The following TMEM245 variants were observed in gnomAD, a reference collection of about 807,000 sequenced individuals.
The protein encoded by TMEM245 is protein CG-2.
A neutral mutation model predicts 101.2 loss-of-function variants in TMEM245; 69 were observed. The ratio of observed to expected loss-of-function variants is 0.68; its 90% confidence interval spans 0.56 to 0.83. The LOEUF (loss-of-function observed/expected upper bound fraction) is 0.83, where lower values mean the gene tolerates loss of function less well. TMEM245 is among the 40% of genes least tolerant of loss of function. The probability of loss-of-function intolerance (pLI) is 0.00; values close to 1 mark genes in which losing one functional copy is unlikely to be tolerated. For synonymous variants in TMEM245, 537 were observed against 449.8 expected (o/e 1.19, Z -2.45); for missense variants, 1,075 against 1,092.8 (o/e 0.98, Z 0.23).
At position 109,019,647 on chromosome 9, in the gene TMEM245, C is replaced by T. The variant is rs112441017; in HGVS notation, c.*813G>A. 1.3e-5 allele frequency: 2 copies of T among 152,452 alleles called. No homozygotes were observed. The highest frequency in any genetic ancestry group is 1.3e-4 in the Admixed American group (2 of 15,276). The allele number at this position is 152,452 out of a possible 1,614,324, so 9.4% of individuals were successfully genotyped here. A position where few individuals can be genotyped will look rare whatever the true frequency, so the allele number is the denominator to read the frequency against. ...AATGAAACGGATACATTTAACAAATCAGAGTATTGCTACACCTGAGATTTT... is the reference window on the plus strand; with the variant it reads ...AATGAAACGGATACATTTAACAAATTAGAGTATTGCTACACCTGAGATTTT... On this transcript the variant is annotated 3_prime_UTR_variant, in exon 18 of 18. Coordinates refer to ENST00000374586, the MANE Select transcript of TMEM245 (RefSeq NM_032012.4).
At chr9:109,057,118 G>C in intron 12 of TMEM245, 73 bp downstream of exon 12, 2 of 1,527,630 alleles carry the variant, frequency 1.3e-6, no homozygotes, top group Non-Finnish European at 1.8e-6. Flanking sequence ...GCCTCAAAGT[G>C]TATGAAGAAA....
At chr9:109,039,321 T>C (rs1324184509) in intron 14 of TMEM245, 1 of 151,906 alleles carries the variant, frequency 6.6e-6, no homozygotes, top group Admixed American at 6.6e-5. Context: ...GTATCAAAAA[T>C]ACCAAAAGGA....
intron 17 of TMEM245, among the ~76,000 whole-genome samples, chr9:109,028,379 G>A (rs906240903): frequency 4.0e-5 from 6 of 151,586 alleles, no homozygotes; most frequent in South Asian, 2.1e-4. Context: ...ATTTGAATCC[G>A]GGTGGCAGAG....
chr9:109,063,018 G>A (rs1829061095), intron 10 of TMEM245, among the ~76,000 whole-genome samples: 1 of 152,142 alleles, frequency 6.6e-6, no homozygotes, highest in Non-Finnish European at 1.5e-5. Flanking sequence ...AAGTACTGTT[G>A]GTGGTGCCTG....
chr9:109,096,883 T>C (rs151202361), intron 3 of TMEM245, among the ~76,000 whole-genome samples: 75 of 152,356 alleles, frequency 4.9e-4, no homozygotes, highest in Middle Eastern at 3.4e-3. Flanking sequence ...CTTCAAATAA[T>C]GGACTTTCAG....
chr9:109,048,379 T>C (rs1477551287), intron 14 of TMEM245, among the ~76,000 whole-genome samples: 1 of 151,814 alleles, frequency 6.6e-6, no homozygotes, highest in Non-Finnish European at 1.5e-5. Flanking sequence ...TCCCTAGCTA[T>C]TACATGAACA....
chr9:109,039,276 CAT>C (rs1489360375), intron 14 of TMEM245: 3 of 152,056 alleles, frequency 2.0e-5, no homozygotes, highest in Non-Finnish European at 2.9e-5. Flanking sequence ...TTAAAGGAGC[CAT>C]ATGACTCTGC....
intron 15 of TMEM245, among the ~76,000 whole-genome samples, chr9:109,037,334 G>A (rs933102239): frequency 6.6e-6 from 1 of 152,178 alleles, no homozygotes; most frequent in Non-Finnish European, 1.5e-5. Flanking sequence ...AGCCAATTAT[G>A]TCCTAGGTGT....
At chr9:109,102,860 C>T (rs1439939983) in intron 3 of TMEM245, among the ~76,000 whole-genome samples, 1 of 152,236 alleles carries the variant, frequency 6.6e-6, no homozygotes, top group African/African-American at 2.4e-5. Context: ...TATTGGTCAA[C>T]TGTAGAAGCT....
At chr9:109,057,072 T>G in intron 12 of TMEM245, 119 bp downstream of exon 12, 1 of 1,122,772 alleles carries the variant, frequency 8.9e-7, no homozygotes, top group Non-Finnish European at 1.2e-6. Context: ...TTCTCAAATA[T>G]GTAAATGTCA....
At chr9:109,070,172 G>T (rs192107539) in intron 9 of TMEM245, among the ~76,000 whole-genome samples, 2 of 152,208 alleles carry the variant, frequency 1.3e-5, no homozygotes, top group East Asian at 3.9e-4. Context: ...CAAAACTCAA[G>T]ATCCAACCCA....
At chr9:109,100,199 A>G (rs1337812871) in intron 3 of TMEM245, among the ~76,000 whole-genome samples, 1 of 152,244 alleles carries the variant, frequency 6.6e-6, no homozygotes, top group Non-Finnish European at 1.5e-5. Context: ...GCTGACAACT[A>G]CAACTGATGC....
intron 14 of TMEM245, among the ~76,000 whole-genome samples, chr9:109,041,669 C>T (rs1182602460): frequency 6.6e-6 from 1 of 151,564 alleles, no homozygotes; most frequent in Non-Finnish European, 1.5e-5. Context: ...AGCATGGTGA[C>T]TACAGTTAAT....
At chr9:109,087,668 T>C (rs1048842936) in intron 5 of TMEM245, among the ~76,000 whole-genome samples, 2 of 152,214 alleles carry the variant, frequency 1.3e-5, no homozygotes, top group South Asian at 4.1e-4. Flanking sequence ...TTCTGGCCCC[T>C]TGCATATTCC....
chr9:109,118,134 T>C (rs1355617229), intron 1 of TMEM245, among the ~76,000 whole-genome samples: 1 of 152,204 alleles, frequency 6.6e-6, no homozygotes, highest in African/African-American at 2.4e-5. Flanking sequence ...AGACGGGACC[T>C]GTATCTTAGT....
chr9:109,078,073 T>C (rs1829564606), intron 8 of TMEM245, among the ~76,000 whole-genome samples: 1 of 152,248 alleles, frequency 6.6e-6, no homozygotes, highest in East Asian at 1.9e-4. Context: ...TATTGCCTGC[T>C]GTTTAACTTA....
chr9:109,070,728 C>G (rs1829306701), intron 9 of TMEM245, among the ~76,000 whole-genome samples: 1 of 152,144 alleles, frequency 6.6e-6, no homozygotes, highest in African/African-American at 2.4e-5. Flanking sequence ...TTTCCTTGCA[C>G]CTATATGTAT....
At chr9:109,084,057 T>C (rs1402039044) in intron 7 of TMEM245, among the ~76,000 whole-genome samples, 2 of 149,344 alleles carry the variant, frequency 1.3e-5, no homozygotes, top group South Asian at 2.1e-4. Context: ...CCAGCCTGGG[T>C]GACAGAGTGA....
chr9:109,047,315 T>A (rs1828528907), intron 14 of TMEM245, among the ~76,000 whole-genome samples: 1 of 152,234 alleles, frequency 6.6e-6, no homozygotes. Flanking sequence ...GGAAGTCGAA[T>A]CTAATTTGTA....
Sources: allele counts gnomAD v4.1 joint callset (sites outside exome capture counted in the v4.1 genomes callset), GRCh38; gene constraint gnomAD v4.1.1; transcripts MANE v1.5; gene names NCBI Gene and HGNC (gene_info 2026-07-23, HGNC 2026-07-21).